The following NKAIN2 variants were observed in gnomAD, a reference collection of about 807,000 sequenced individuals.
The protein encoded by NKAIN2 is sodium/potassium-transporting ATPase subunit beta-1-interacting protein 2.
Under a neutral mutation model 32.6 loss-of-function variants are expected in NKAIN2, and 14 were observed. The ratio of observed to expected loss-of-function variants is 0.43; its 90% CI spans 0.28 to 0.67. NKAIN2 has a LOEUF of 0.67. Among genes scored for constraint, NKAIN2 ranks in the 30% least tolerant of loss-of-function variants. The pLI is 0.17. For missense variants in NKAIN2, 198 were observed against 258.3 expected (o/e 0.77, Z 1.60); for synonymous variants, 80 against 87.2 (o/e 0.92, Z 0.46).
At chr6:124,251,070 T>C (rs1439085021) in intron 1 of NKAIN2, among the ~76,000 whole-genome samples, 1 of 152,052 alleles carries the variant, frequency 6.6e-6, no homozygotes, top group Non-Finnish European at 1.5e-5. Flanking sequence ...TATTGAAATC[T>C]ATTGTTTTAA....
At chr6:123,949,808 TG>T (rs1211405786) in intron 1 of NKAIN2, among the ~76,000 whole-genome samples, 2 of 152,026 alleles carry the variant, frequency 1.3e-5, no homozygotes, top group East Asian at 3.9e-4. Context: ...CTTGCTTGAT[TG>T]CTCCAGCCAG....
At chr6:124,212,613 T>G (rs1218053069) in intron 1 of NKAIN2, among the ~76,000 whole-genome samples, 1 of 152,088 alleles carries the variant, frequency 6.6e-6, no homozygotes, top group Non-Finnish European at 1.5e-5. Context: ...GCTATATATT[T>G]CCACAATTCT....
chr6:124,703,929 C>T (rs1774923456), intron 4 of NKAIN2, among the ~76,000 whole-genome samples: 1 of 151,502 alleles, frequency 6.6e-6, no homozygotes, highest in Non-Finnish European at 1.5e-5. Context: ...GTATATCTGC[C>T]ATCTGAAATG....
At chr6:123,925,487 T>G (rs1043651566) in intron 1 of NKAIN2, among the ~76,000 whole-genome samples, 1 of 152,118 alleles carries the variant, frequency 6.6e-6, no homozygotes, top group Non-Finnish European at 1.5e-5. Flanking sequence ...GTGAAGGGGG[T>G]TTGGCTTTTG....
intron 3 of NKAIN2, among the ~76,000 whole-genome samples, chr6:124,460,330 T>G (rs529437354): frequency 6.6e-6 from 1 of 151,952 alleles, no homozygotes; most frequent in Admixed American, 6.6e-5. Flanking sequence ...AATAATGAGG[T>G]GGTCACAACT....
intron 3 of NKAIN2, among the ~76,000 whole-genome samples, chr6:124,541,349 T>C (rs1026076582): frequency 5.8e-4 from 88 of 152,294 alleles, no homozygotes; most frequent in African/African-American, 2.0e-3. Context: ...AGCTAACTTC[T>C]CTAAACTCCA....
intron 3 of NKAIN2, among the ~76,000 whole-genome samples, chr6:124,479,001 C>T (rs1161099124): frequency 6.6e-6 from 1 of 152,266 alleles, no homozygotes; most frequent in African/African-American, 2.4e-5. Context: ...CCTCTGTTGT[C>T]TCCCTCCCCA....
At chr6:124,380,832 G>C (rs959788659) in intron 3 of NKAIN2, among the ~76,000 whole-genome samples, 1 of 152,172 alleles carries the variant, frequency 6.6e-6, no homozygotes, top group African/African-American at 2.4e-5. Flanking sequence ...GAGGATAAAA[G>C]ATTCATTTGA....
chr6:124,207,504 C>T (rs973279422), intron 1 of NKAIN2, among the ~76,000 whole-genome samples: 1 of 148,330 alleles, frequency 6.7e-6, no homozygotes, highest in Non-Finnish European at 1.5e-5. Flanking sequence ...ATGATTTTTA[C>T]AGTTTTACTA....
At chr6:124,002,470 A>G (rs1221161398) in intron 1 of NKAIN2, among the ~76,000 whole-genome samples, 1 of 151,344 alleles carries the variant, frequency 6.6e-6, no homozygotes, top group Non-Finnish European at 1.5e-5. Context: ...CCCCTTACCA[A>G]TCTCCTACTT....
At chr6:124,804,940 G>T (rs1272593998) in intron 5 of NKAIN2, among the ~76,000 whole-genome samples, 1 of 152,220 alleles carries the variant, frequency 6.6e-6, no homozygotes, top group East Asian at 1.9e-4. Flanking sequence ...GAGGCTGGGG[G>T]AAGGGCGCCC....
chr6:124,359,009 G>A (rs2114261623), intron 3 of NKAIN2, among the ~76,000 whole-genome samples: 1 of 151,592 alleles, frequency 6.6e-6, no homozygotes, highest in African/African-American at 2.4e-5. Flanking sequence ...AGTTTTCCCA[G>A]CACCATTTAT....
intron 5 of NKAIN2, among the ~76,000 whole-genome samples, chr6:124,809,643 G>T (rs9482576): frequency 0.35 from 48,711 of 137,392 alleles, 8,693 homozygotes; most frequent in East Asian, 0.55. Context: ...GGGATCTAAT[G>T]AAACTAAAGA....
At chr6:123,936,872 G>A (rs1249942529) in intron 1 of NKAIN2, among the ~76,000 whole-genome samples, 3 of 151,992 alleles carry the variant, frequency 2.0e-5, no homozygotes, top group Non-Finnish European at 2.9e-5. Flanking sequence ...GAATACTCTC[G>A]GTCTGAACTG....
chr6:124,530,310 AAGAAG>A lies in NKAIN2; in HGVS notation c.274-127871_274-127867del, dbSNP rs1160081875. 5.3e-5 allele frequency among the ~76,000 whole-genome samples: 8 copies of A among 152,332 alleles called. No homozygotes were observed. The East Asian group carries it at 1.4e-3, about 26-fold the overall frequency. ...AGCCAACATTATTAAGAAAATCATAAAGAAGAGAAAATATATTTACTATTCGCTAA... is the reference window on the plus strand; with the variant it reads ...AGCCAACATTATTAAGAAAATCATAAAGAAAATATATTTACTATTCGCTAA... On this transcript the variant is annotated intron_variant, in intron 3 of 6. Transcript: ENST00000368417.
intron 1 of NKAIN2, among the ~76,000 whole-genome samples, chr6:124,033,612 A>G (rs1041599968): frequency 2.0e-5 from 3 of 152,088 alleles, no homozygotes; most frequent in African/African-American, 7.2e-5. Flanking sequence ...TTGTTGATGG[A>G]CGATTTCATT....
chr6:124,216,806 G>A (rs569292254), intron 1 of NKAIN2, among the ~76,000 whole-genome samples: 1 of 152,224 alleles, frequency 6.6e-6, no homozygotes, highest in East Asian at 1.9e-4. Context: ...TTGACAAATA[G>A]GTTGTGATCA....
At chr6:124,290,959 A>G (rs867147479) in intron 2 of NKAIN2, among the ~76,000 whole-genome samples, 1 of 152,028 alleles carries the variant, frequency 6.6e-6, no homozygotes. Flanking sequence ...CTCAAGCCCT[A>G]TTATACATCT....
chr6:124,370,408 G>A (rs1024332995), intron 3 of NKAIN2, among the ~76,000 whole-genome samples: 1 of 151,964 alleles, frequency 6.6e-6, no homozygotes, highest in Non-Finnish European at 1.5e-5. Flanking sequence ...AAAAAGAGGA[G>A]GATGACTCAC....
Sources: gnomAD v4.1 joint callset for allele counts (sites outside exome capture counted in the v4.1 genomes callset) on GRCh38, gnomAD v4.1.1 for gene constraint, MANE v1.5 for transcripts, NCBI Gene and HGNC (gene_info 2026-07-23, HGNC 2026-07-21) for gene names.